The following C1GALT1 variants were observed in gnomAD, a reference collection of about 807,000 sequenced individuals.
C1GALT1 encodes the protein glycoprotein-N-acetylgalactosamine 3-beta-galactosyltransferase 1.
In C1GALT1, 11 loss-of-function variants were observed where a neutral mutation model predicts 31.0. The observed-to-expected ratio is 0.36, with a 90% CI of 0.22 to 0.59. The LOEUF (loss-of-function observed/expected upper bound fraction) is 0.59. Ranked by LOEUF, C1GALT1 falls within the 20% of genes least tolerant of loss-of-function variation. The pLI is 0.79. For synonymous variants in C1GALT1, 175 were observed against 143.6 expected, an observed-to-expected ratio of 1.22 and a Z score of -1.56; for missense variants, 424 against 425.2, an observed-to-expected ratio of 1.00 and a Z score of 0.03.
chr7:7,232,719 A>G (rs1783146222), intron 1 of C1GALT1, among the ~76,000 whole-genome samples: 1 of 152,032 alleles, frequency 6.6e-6, no homozygotes, highest in Non-Finnish European at 1.5e-5. Flanking sequence ...TGAACTCCTG[A>G]CCTCAGGTGA....
At chr7:7,204,785 G>A (rs1583776296) in intron 1 of C1GALT1, among the ~76,000 whole-genome samples, 1 of 152,170 alleles carries the variant, frequency 6.6e-6, no homozygotes, top group East Asian at 1.9e-4. Flanking sequence ...AATTACTCTT[G>A]TGATTGATTC....
At chr7:7,223,290 C>G (rs2128243460) in intron 1 of C1GALT1, among the ~76,000 whole-genome samples, 1 of 152,300 alleles carries the variant, frequency 6.6e-6, no homozygotes, top group East Asian at 1.9e-4. Context: ...TCCCCAGTAG[C>G]TGGGATCACA....
At chr7:7,160,781 TC>T (rs1780325393) in intron 2 of C1GALT1, among the ~76,000 whole-genome samples, 1 of 152,092 alleles carries the variant, frequency 6.6e-6, no homozygotes, top group South Asian at 2.1e-4. Context: ...GAGAAACCAG[TC>T]CCCAGGACTA....
intron 1 of C1GALT1, among the ~76,000 whole-genome samples, chr7:7,187,249 C>T (rs1780856850): frequency 6.8e-6 from 1 of 146,922 alleles, no homozygotes; most frequent in East Asian, 2.1e-4. Context: ...TCTATTCTTC[C>T]TGAGATTTTT....
rs1246565701 is a variant in C1GALT1 at position 7,245,669 on chromosome 7, G to GAACAACTCTTCACC, written c.*1944_*1957dup. ...TTTCAAGGCATTCATTTTATTCTTT[G>GAACAACTCTTCACC]AACAACTCTTCACCATGGTGTGGAC... is the stretch of plus-strand genomic sequence containing the variant. On this transcript the variant is annotated 3_prime_UTR_variant, in exon 4 of 4. Transcript: ENST00000436587. 6.6e-6 allele frequency: 1 copy of GAACAACTCTTCACC among 152,086 alleles called. No homozygotes were observed. Among genetic ancestry groups the GAACAACTCTTCACC allele is most frequent in the African/African-American group, 2.4e-5 (1 of 41,398 alleles). 9.4% of individuals were successfully genotyped at this position (152,086 alleles called of 1,614,324 possible).
rs1303531886 is a variant in C1GALT1 at position 7,159,391 on chromosome 7, T to C, written c.-18+1965T>C. On this transcript the variant is annotated intron_variant, in intron 2 of 3. Transcript: ENST00000429911. ...ACAAATACCAAGAGCAGTAAAAGAC[T>C]AGGAAGCAAAGAAAAAGAAGGAAAG... Among the ~76,000 whole-genome samples the C allele has an allele frequency of 2.7e-5, 4 of 150,852 alleles. No individual in the cohort carries two copies. In the East Asian group the frequency reaches 7.8e-4, roughly 29 times the overall value.
At chr7:7,185,852 G>A (rs956476018) in intron 1 of C1GALT1, among the ~76,000 whole-genome samples, 2 of 152,222 alleles carry the variant, frequency 1.3e-5, no homozygotes, top group Non-Finnish European at 2.9e-5. Context: ...TTCAGTAAAT[G>A]TTTAGCATTA....
chr7:7,208,846 C>T (rs1311752873), intron 1 of C1GALT1, among the ~76,000 whole-genome samples: 2 of 152,174 alleles, frequency 1.3e-5, no homozygotes, highest in Non-Finnish European at 2.9e-5. Context: ...GGGGTGGGGT[C>T]GGTAGCTGCT....
intron 1 of C1GALT1, among the ~76,000 whole-genome samples, chr7:7,200,575 A>G (rs1457483531): frequency 1.3e-5 from 2 of 152,124 alleles, no homozygotes; most frequent in African/African-American, 2.4e-5. Context: ...CTCCTGGATT[A>G]TATCCTGAAG....
chr7:7,242,805 T>G (rs7794210), intron 3 of C1GALT1, among the ~76,000 whole-genome samples: 46,732 of 151,936 alleles, frequency 0.31, 7,987 homozygotes, highest in East Asian at 0.71. Flanking sequence ...TGACCTACCT[T>G]AGGGCCACCT....
chr7:7,171,129 G>A (rs1448337198), intron 2 of C1GALT1, among the ~76,000 whole-genome samples: 1 of 151,936 alleles, frequency 6.6e-6, no homozygotes, highest in East Asian at 1.9e-4. Context: ...AGGTCTAGTT[G>A]GCTTATTCAA....
At chr7:7,213,311 G>T (rs1038046625) in intron 1 of C1GALT1, among the ~76,000 whole-genome samples, 2 of 152,194 alleles carry the variant, frequency 1.3e-5, no homozygotes, top group Non-Finnish European at 2.9e-5. Flanking sequence ...TTAAAAACAT[G>T]ACTGATAATT....
chr7:7,175,538 C>G (rs1354637306), intron 2 of C1GALT1, among the ~76,000 whole-genome samples: 1 of 152,196 alleles, frequency 6.6e-6, no homozygotes, highest in African/African-American at 2.4e-5. Context: ...TTGCATGTTT[C>G]AACTGTAATC....
chr7:7,224,451 A>G (rs76450081), intron 1 of C1GALT1, among the ~76,000 whole-genome samples: 35,153 of 133,802 alleles, frequency 0.26, 4,719 homozygotes, highest in East Asian at 0.59. Context: ...GGACCTGGAG[A>G]TTTTTGTGGG....
At chr7:7,223,285 A>T (rs556168283) in intron 1 of C1GALT1, among the ~76,000 whole-genome samples, 1 of 152,126 alleles carries the variant, frequency 6.6e-6, no homozygotes, top group African/African-American at 2.4e-5. Context: ...CAACCTCCCC[A>T]GTAGCTGGGA....
intron 1 of C1GALT1, among the ~76,000 whole-genome samples, chr7:7,209,254 G>T (rs1583784066): frequency 6.6e-6 from 1 of 152,144 alleles, no homozygotes; most frequent in Non-Finnish European, 1.5e-5. Flanking sequence ...CATATTATCT[G>T]CATATAAAAA....
intron 2 of C1GALT1, among the ~76,000 whole-genome samples, chr7:7,160,174 C>T (rs1181213350): frequency 2.6e-5 from 4 of 152,094 alleles, no homozygotes; most frequent in South Asian, 2.1e-4. Flanking sequence ...ATTGGGTACA[C>T]GTTCCAATAG....
chr7:7,236,105 A>T (rs568507582), intron 2 of C1GALT1, among the ~76,000 whole-genome samples: 1 of 152,228 alleles, frequency 6.6e-6, no homozygotes, highest in East Asian at 1.9e-4. Flanking sequence ...TTCCTTCAGC[A>T]CATTGAATCC....
intron 1 of C1GALT1, among the ~76,000 whole-genome samples, chr7:7,209,096 T>A (rs970644057): frequency 1.9e-4 from 29 of 152,254 alleles, no homozygotes; most frequent in Admixed American, 9.8e-4. Flanking sequence ...ACAACACATC[T>A]TGTCTTTCCA....
Sources: gnomAD v4.1 joint callset for allele counts (sites outside exome capture counted in the v4.1 genomes callset) on GRCh38, gnomAD v4.1.1 for gene constraint, MANE v1.5 for transcripts, NCBI Gene and HGNC (gene_info 2026-07-23, HGNC 2026-07-21) for gene names.